Variants in DACH2 observed in about 807,000 individuals in gnomAD.
DACH2 encodes dachshund family transcription factor 2, also known as dachshund homolog 2.
Under a neutral mutation model 35.8 loss-of-function variants are expected in DACH2, and 17 were observed. That is an observed-to-expected ratio of 0.48 (90% CI 0.33 to 0.71). The LOEUF (loss-of-function observed/expected upper bound fraction) is 0.71, where lower values mean the gene tolerates loss of function less well. DACH2 is among the 30% of genes least tolerant of loss of function. The pLI, the probability that DACH2 is intolerant of heterozygous loss-of-function variation, is 0.02. For missense variants in DACH2, 469 were observed against 472.7 expected, an observed-to-expected ratio of 0.99 and a Z score of 0.07; for synonymous variants, 195 against 177.3, an observed-to-expected ratio of 1.10 and a Z score of -0.79.
Position 86,461,374 on chromosome X carries a change from C to T in DACH2, c.528-52905C>T, listed in dbSNP as rs2037569596. On this transcript the variant is annotated intron_variant, in intron 2 of 11. Coordinates refer to ENST00000373125, the MANE Select transcript of DACH2 (RefSeq NM_053281.3). ...CAACAAAATAGGATCAGTATACAAA[C>T]CTTATATCCACAGACTGTTGTATTG... Among the ~76,000 whole-genome samples the T allele has an allele frequency of 3.6e-5, 4 of 111,237 alleles. No individual in the cohort carries two copies. The South Asian group carries it at 1.5e-3, about 41-fold the overall frequency.
chrX:86,360,986 C>A (rs1337636687), intron 1 of DACH2, among the ~76,000 whole-genome samples: 1 of 110,862 alleles, frequency 9.0e-6, no homozygotes, highest in Non-Finnish European at 1.9e-5. Flanking sequence ...AAAAAACCTA[C>A]CATTAACACA....
chrX:86,193,396 T>C (rs2031887951), intron 1 of DACH2, among the ~76,000 whole-genome samples: 1 of 111,860 alleles, frequency 8.9e-6, no homozygotes. Flanking sequence ...TACAACAAAG[T>C]CAAGGGCATT....
At chrX:86,221,093 G>C (rs2032699428) in intron 1 of DACH2, among the ~76,000 whole-genome samples, 1 of 111,015 alleles carries the variant, frequency 9.0e-6, no homozygotes, top group Non-Finnish European at 1.9e-5. Context: ...TTTTGTTTTT[G>C]TTGCCTGTGC....
At chrX:86,623,437 G>GT (rs11350128) in intron 3 of DACH2, among the ~76,000 whole-genome samples, 1 of 111,332 alleles carries the variant, frequency 9.0e-6, no homozygotes, top group African/African-American at 3.3e-5. Context: ...TTAATACCAA[G>GT]TTTTTTTGGG....
chrX:86,413,569 A>G (rs2036651242), intron 2 of DACH2, among the ~76,000 whole-genome samples: 1 of 112,038 alleles, frequency 8.9e-6, no homozygotes, highest in African/African-American at 3.2e-5. Flanking sequence ...ATAGGGATGT[A>G]GTGGGAATCA....
intron 1 of DACH2, among the ~76,000 whole-genome samples, chrX:86,165,387 T>C (rs992004511): frequency 2.7e-5 from 3 of 111,493 alleles, no homozygotes; most frequent in Non-Finnish European, 3.8e-5. Flanking sequence ...AAATTTTAGA[T>C]TTTTGAGGAC....
At chrX:86,510,527 T>G (rs1040818626) in intron 2 of DACH2, among the ~76,000 whole-genome samples, 12 of 112,016 alleles carry the variant, frequency 1.1e-4, no homozygotes, top group African/African-American at 3.6e-4. Flanking sequence ...AGTATTTCAT[T>G]TCTTCTAAAG....
intron 1 of DACH2, among the ~76,000 whole-genome samples, chrX:86,335,119 T>C (rs780580724): frequency 8.9e-6 from 1 of 111,937 alleles, no homozygotes; most frequent in African/African-American, 3.2e-5. Flanking sequence ...TTTTTCTACA[T>C]ATCTGTTTTG....
chrX:86,723,685 G>T lies in DACH2; in HGVS notation c.1104+8965G>T, dbSNP rs756980135. ...GGATATGAATTTGAATTTTAAAAAT[G>T]TGTTGATATTTGTTCTGTGGCCAAG... On this transcript the variant is annotated intron_variant, in intron 6 of 11. Coordinates refer to ENST00000373125, the MANE Select transcript of DACH2 (RefSeq NM_053281.3). Among the ~76,000 whole-genome samples the T allele has an allele frequency of 2.7e-5, 3 of 111,806 alleles. No homozygotes were observed. In the South Asian group the frequency reaches 1.1e-3, roughly 41 times the overall value.
chrX:86,561,813 G>C (rs868151969), intron 3 of DACH2, among the ~76,000 whole-genome samples: 2 of 66,910 alleles, frequency 3.0e-5, no homozygotes, highest in Admixed American at 3.2e-4. Context: ...TGACACGTTA[G>C]TGGGTGCAGT....
intron 2 of DACH2, among the ~76,000 whole-genome samples, chrX:86,439,614 A>G (rs1194190965): frequency 3.6e-5 from 4 of 111,515 alleles, no homozygotes; most frequent in Non-Finnish European, 7.5e-5. Context: ...TCTTCTGCAT[A>G]TAGATATCCA....
intron 2 of DACH2, among the ~76,000 whole-genome samples, chrX:86,441,760 C>CA (rs921771540): frequency 9.2e-6 from 1 of 108,874 alleles, no homozygotes; most frequent in Non-Finnish European, 1.9e-5. Flanking sequence ...TTCATTTCCA[C>CA]AAAAAGTGTA....
chrX:86,544,627 A>G (rs1305055130), intron 3 of DACH2, among the ~76,000 whole-genome samples: 1 of 111,433 alleles, frequency 9.0e-6, no homozygotes, highest in East Asian at 2.8e-4. Context: ...AGGCCTTACA[A>G]GAGGTCCTGA....
At chrX:86,265,367 T>C (rs746252119) in intron 1 of DACH2, among the ~76,000 whole-genome samples, 52 of 110,814 alleles carry the variant, frequency 4.7e-4, no homozygotes, top group South Asian at 7.5e-4. Context: ...TTGTTACCAC[T>C]TTTTTTTCCC....
At chrX:86,240,648 A>AT (rs911743072) in intron 1 of DACH2, among the ~76,000 whole-genome samples, 17 of 108,092 alleles carry the variant, frequency 1.6e-4, no homozygotes, top group Admixed American at 4.0e-4. Flanking sequence ...TTATTTTTAT[A>AT]TTTTTTTTGT....
chrX:86,160,784 CTT>C, intron 1 of DACH2: 3 of 471,295 alleles, frequency 6.4e-6, no homozygotes, highest in Non-Finnish European at 1.1e-5. Context: ...TTTCAACAGA[CTT>C]TATTTCAGTT....
At chrX:86,444,780 C>T (rs67468249) in intron 2 of DACH2, among the ~76,000 whole-genome samples, 2 of 109,472 alleles carry the variant, frequency 1.8e-5, no homozygotes, top group African/African-American at 6.7e-5. Flanking sequence ...TTTATTTCTT[C>T]TATGATTTTT....
intron 1 of DACH2, among the ~76,000 whole-genome samples, chrX:86,325,749 G>A (rs949921276): frequency 4.5e-5 from 5 of 111,569 alleles, no homozygotes. Flanking sequence ...GTGGAGTGTT[G>A]TTATATTTAT....
intron 2 of DACH2, among the ~76,000 whole-genome samples, chrX:86,468,031 C>T (rs1285132788): frequency 1.8e-5 from 2 of 111,366 alleles, no homozygotes; most frequent in Admixed American, 9.6e-5. Flanking sequence ...ATATCACTAA[C>T]TTACCTATTG....
Sources: gnomAD v4.1 joint callset for allele counts (sites outside exome capture counted in the v4.1 genomes callset) on GRCh38, gnomAD v4.1.1 for gene constraint, MANE v1.5 for transcripts, NCBI Gene and HGNC (gene_info 2026-07-23, HGNC 2026-07-21) for gene names.